The following GALNT1 variants were observed in gnomAD, a reference collection of about 807,000 sequenced individuals.
The protein encoded by GALNT1 is GalNAc transferase 1.
In GALNT1, 17 loss-of-function variants were observed where a neutral mutation model predicts 65.7. The observed-to-expected ratio is 0.26, with a 90% CI of 0.18 to 0.39. GALNT1 has a LOEUF of 0.39. Among genes scored for constraint, GALNT1 ranks in the 10% least tolerant of loss-of-function variants. The probability of loss-of-function intolerance (pLI) is 1.00; values close to 1 mark genes in which losing one functional copy is unlikely to be tolerated. For synonymous variants in GALNT1, 210 were observed against 219.7 expected, an observed-to-expected ratio of 0.96 and a Z score of 0.39; for missense variants, 460 against 672.8, an observed-to-expected ratio of 0.68 and a Z score of 3.50.
chr18:35,618,656 T>G (rs1193668918), intron 1 of GALNT1, among the ~76,000 whole-genome samples: 1 of 145,942 alleles, frequency 6.9e-6, no homozygotes, highest in Non-Finnish European at 1.5e-5. Context: ...TATTTCAGAG[T>G]TTTTTTTTTC....
intron 4 of GALNT1, among the ~76,000 whole-genome samples, chr18:35,681,338 A>G (rs1200634381): frequency 6.6e-6 from 1 of 152,082 alleles, no homozygotes; most frequent in Non-Finnish European, 1.5e-5. Context: ...TCCCCCACCC[A>G]TCCCTGAGTC....
At chr18:35,642,205 C>G (rs1024113851) in intron 1 of GALNT1, among the ~76,000 whole-genome samples, 1 of 152,124 alleles carries the variant, frequency 6.6e-6, no homozygotes, top group Non-Finnish European at 1.5e-5. Flanking sequence ...CTTGTAATAA[C>G]GGAAACCTAG....
rs1240016330 is a variant in GALNT1 at position 35,581,842 on chromosome 18, C to CGCT, written c.-122_-121insTGC. Reference sequence around the variant, plus strand: ...CGGCCCGGAGGACGCCTGCCGCCGCCGCCGCCGCGCGCCTAGCGAGGTGAG... The same window carrying CGCT: ...CGGCCCGGAGGACGCCTGCCGCCGCCGCTGCCGCCGCGCGCCTAGCGAGGTGAG... On this transcript the variant is annotated 5_prime_UTR_variant, in exon 1 of 12. Coordinates refer to ENST00000269195, the MANE Select transcript of GALNT1 (RefSeq NM_020474.4). 1.4e-3 allele frequency: 179 copies of CGCT among 128,950 alleles called. 3 individuals are homozygous for CGCT. The highest frequency in any genetic ancestry group is 1.3e-3 in the Non-Finnish European group (78 of 59,830). 8.0% of individuals were successfully genotyped at this position (128,950 alleles called of 1,614,324 possible).
At chr18:35,671,757 TAGTA>T (rs1281256762) in intron 3 of GALNT1, among the ~76,000 whole-genome samples, 1 of 152,188 alleles carries the variant, frequency 6.6e-6, no homozygotes, top group Non-Finnish European at 1.5e-5. Context: ...TTTCCTTTAT[TAGTA>T]AGACCTAGGT....
intron 1 of GALNT1, among the ~76,000 whole-genome samples, chr18:35,627,038 G>A (rs1490212829): frequency 6.6e-6 from 1 of 152,212 alleles, no homozygotes; most frequent in Non-Finnish European, 1.5e-5. Context: ...CTTGAATTCA[G>A]TTGGAGGTCA....
At position 35,709,929 on chromosome 18, in the gene GALNT1, C is replaced by A; in HGVS notation, c.*159C>A. 1.3e-6 allele frequency: 1 copy of A among 790,290 alleles called. No individual in the cohort carries two copies. Among genetic ancestry groups the A allele is most frequent in the Non-Finnish European group, 2.0e-6 (1 of 511,474 alleles). The allele number at this position is 790,290 out of a possible 1,614,324, so 49.0% of individuals were successfully genotyped here. A position where few individuals can be genotyped will look rare whatever the true frequency, so the allele number is the denominator to read the frequency against. ...TAAAACTTAGACTTCTCTAGCTTTT[C>A]ACTAGCTGTGAACCAGCCTTCCTGT... On this transcript the variant is annotated 3_prime_UTR_variant, in exon 12 of 12. Coordinates refer to ENST00000269195, the MANE Select transcript of GALNT1 (RefSeq NM_020474.4).
At chr18:35,618,951 A>G (rs1325530937) in intron 1 of GALNT1, among the ~76,000 whole-genome samples, 1 of 152,232 alleles carries the variant, frequency 6.6e-6, no homozygotes, top group Non-Finnish European at 1.5e-5. Context: ...CAAGAATGCA[A>G]AACAATCACT....
At chr18:35,678,833 A>T (rs2047748290) in intron 4 of GALNT1, among the ~76,000 whole-genome samples, 1 of 152,234 alleles carries the variant, frequency 6.6e-6, no homozygotes, top group South Asian at 2.1e-4. Context: ...GAATACATGC[A>T]TTTAACCGAA....
In GALNT1 at chr18:35,621,011, T is replaced by A. The variant is rs532565719; in HGVS notation, c.-103-33549T>A. ...TCCCATTTCCTTATTTCTTACTAGT[T>A]GTGTTTTTGCCAGTTTGATGAGGTC... On this transcript the variant is annotated intron_variant, in intron 1 of 11. Transcript: ENST00000269195. Among the ~76,000 whole-genome samples, 144 of 152,258 alleles carry A rather than the reference T, an allele frequency of 9.5e-4. 1 individual carries two copies. Among genetic ancestry groups the A allele is most frequent in the African/African-American group, 3.0e-3 (125 of 41,562 alleles).
intron 1 of GALNT1, among the ~76,000 whole-genome samples, chr18:35,613,279 A>T (rs890337186): frequency 2.6e-5 from 4 of 152,154 alleles, no homozygotes; most frequent in Non-Finnish European, 5.9e-5. Flanking sequence ...GTGGATGTAC[A>T]TTTCTTTTGG....
chr18:35,681,534 A>G (rs1420000486), intron 4 of GALNT1, among the ~76,000 whole-genome samples: 1 of 152,114 alleles, frequency 6.6e-6, no homozygotes, highest in Non-Finnish European at 1.5e-5. Context: ...TAGCTTTCAA[A>G]GACATATGGG....
At chr18:35,699,485 G>A (rs937361591) in intron 9 of GALNT1, among the ~76,000 whole-genome samples, 32 of 152,296 alleles carry the variant, frequency 2.1e-4, no homozygotes, top group African/African-American at 6.5e-4. Flanking sequence ...GAGGTGACTT[G>A]AAAGGAGTGA....
At chr18:35,673,412 C>G (rs970871086) in intron 3 of GALNT1, among the ~76,000 whole-genome samples, 1 of 152,188 alleles carries the variant, frequency 6.6e-6, no homozygotes, top group Non-Finnish European at 1.5e-5. Flanking sequence ...TACTTACTAG[C>G]TGCTATCATG....
At chr18:35,677,240 T>C (rs1001282015) in intron 3 of GALNT1, among the ~76,000 whole-genome samples, 2 of 152,230 alleles carry the variant, frequency 1.3e-5, no homozygotes, top group Non-Finnish European at 2.9e-5. Context: ...CTCCAGTGGT[T>C]CTAATTCTTT....
chr18:35,701,328 A>G (rs1013032446), intron 9 of GALNT1, among the ~76,000 whole-genome samples: 14 of 152,314 alleles, frequency 9.2e-5, no homozygotes, highest in African/African-American at 3.1e-4. Context: ...TTGGCCTCTT[A>G]AAGTGCTCGG....
Position 35,702,838 on chromosome 18 carries a change from T to C in GALNT1, c.1300-59T>C, listed in dbSNP as rs1442794102. ...GATATTTAGTGTATATGTGTGTGTATCTGTCTGTCTAATTAACTTCTCCAA... is the reference window on the plus strand; with the variant it reads ...GATATTTAGTGTATATGTGTGTGTACCTGTCTGTCTAATTAACTTCTCCAA... On this transcript the variant is annotated intron_variant, in intron 9 of 11. Transcript: ENST00000269195. 2.6e-6 allele frequency: 3 copies of C among 1,145,250 alleles called. No individual in the cohort carries two copies. In the East Asian group the frequency reaches 7.1e-5, roughly 27 times the overall value. The allele number at this position is 1,145,250 out of a possible 1,614,324, so 70.9% of individuals were successfully genotyped here. A position where few individuals can be genotyped will look rare whatever the true frequency, so the allele number is the denominator to read the frequency against.
chr18:35,689,435 A>C (rs2047920959), intron 7 of GALNT1, 145 bp downstream of exon 7: 1 of 596,092 alleles, frequency 1.7e-6, no homozygotes, highest in African/African-American at 1.9e-5. Context: ...CATAAAAAGG[A>C]CTGATAGTAA....
chr18:35,654,506 A>G, intron 1 of GALNT1, 54 bp from the exon 2 acceptor site: 1 of 253,738 alleles, frequency 3.9e-6, no homozygotes, highest in Non-Finnish European at 7.2e-6. Context: ...TTTATAATTC[A>G]CTTTTGATGT....
intron 1 of GALNT1, among the ~76,000 whole-genome samples, chr18:35,643,205 T>C (rs573247045): frequency 1.4e-3 from 211 of 152,274 alleles, no homozygotes; most frequent in Non-Finnish European, 2.6e-3. Flanking sequence ...TGGCATTTTG[T>C]CACACCTTTG....
Sources: allele counts gnomAD v4.1 joint callset (sites outside exome capture counted in the v4.1 genomes callset), GRCh38; gene constraint gnomAD v4.1.1; transcripts MANE v1.5; gene names NCBI Gene and HGNC (gene_info 2026-07-23, HGNC 2026-07-21).